The following CDC16 variants were observed in gnomAD, a reference collection of about 807,000 sequenced individuals.
CDC16 encodes cell division cycle 16.
A neutral mutation model predicts 87.0 loss-of-function variants in CDC16; 34 were observed. That is an observed-to-expected ratio of 0.39 (90% CI 0.30 to 0.52). The LOEUF is 0.52. Ranked by LOEUF, CDC16 falls within the 20% of genes least tolerant of loss-of-function variation. The probability of loss-of-function intolerance (pLI) is 0.74; values close to 1 mark genes in which losing one functional copy is unlikely to be tolerated. For missense variants in CDC16, 653 were observed against 751.9 expected (o/e 0.87, Z 1.54); for synonymous variants, 263 against 260.6 (o/e 1.01, Z -0.09).
intron 5 of CDC16, among the ~76,000 whole-genome samples, chr13:114,240,119 C>T (rs1250201599): frequency 1.3e-5 from 2 of 152,136 alleles, no homozygotes; most frequent in East Asian, 3.8e-4. Context: ...GCTTTGCAAA[C>T]CTCACCATGG....
intron 4 of CDC16, 101 bp from the exon 5 acceptor site, chr13:114,239,249 T>TTAAATAATGGGCATAGTA: frequency 2.7e-6 from 4 of 1,494,508 alleles, no homozygotes; most frequent in Non-Finnish European, 3.6e-6. Context: ...CATTTCACAT[T>TTAAATAATGGGCATAGTA]TAAATAATGG....
rs144748774 is a variant in CDC16 at position 114,236,863 on chromosome 13, C to T, written c.168C>T (p.Ala56=). ...CLYLTAQYHR[A]AHALRSRKLD... The stretch of plus-strand genomic sequence containing the variant: ...ACCTGACAGCACAATATCACAGAGC[C>T]GCCCATGCACTTCGGTCACGAAAAC... The change falls in exon 3 of 18, where the codon GCC becomes GCT. Residue 56 remains alanine, a synonymous_variant. Transcript: ENST00000356221. 1.1e-4 allele frequency: 179 copies of T among 1,600,064 alleles called. No individual in the cohort carries two copies. The African/African-American group carries it at 1.8e-3, about 16-fold the overall frequency.
In CDC16 at chr13:114,246,942, T is replaced by G; in HGVS notation, c.909T>G (p.Phe303Leu). The stretch of plus-strand genomic sequence containing the variant: ...TTTGAACTTTTTAGGTGTCTTGGTT[T>G]GCAGTGGGATGTTACTATCTCATGG... Reference protein sequence around the residue: ...DLYPSNPVSWFAVGCYYLMVG... With the variant: ...DLYPSNPVSWLAVGCYYLMVG... Residue 303 changes from phenylalanine (F) to leucine (L), a missense_variant, in exon 11 of 18, where the codon TTT becomes TTG. Phe to Leu is a conservative substitution (Grantham distance 22). Coordinates refer to ENST00000356221, the MANE Select transcript of CDC16 (RefSeq NM_001078645.3). 6.2e-7 allele frequency: 1 copy of G among 1,611,292 alleles called. No individual in the cohort carries two copies. The highest frequency in any genetic ancestry group is 8.5e-7 in the Non-Finnish European group (1 of 1,177,510).
chr13:114,247,286 C>T, intron 11 of CDC16: 1 of 366,682 alleles, frequency 2.7e-6, no homozygotes, highest in Admixed American at 4.5e-5. Context: ...GCTCAGCCTC[C>T]CGAGTAGCTG....
At chr13:114,270,024 C>G (rs1367702881) in intron 17 of CDC16, among the ~76,000 whole-genome samples, 1 of 152,106 alleles carries the variant, frequency 6.6e-6, no homozygotes, top group African/African-American at 2.4e-5. Context: ...AGATTTTTGA[C>G]AAAAATGTGA....
At chr13:114,256,995 A>C in intron 12 of CDC16, 83 bp from the exon 13 acceptor site, 1 of 821,416 alleles carries the variant, frequency 1.2e-6, no homozygotes, top group Non-Finnish European at 1.9e-6. Context: ...ATTATTTTGC[A>C]GATAGGATTT....
chr13:114,242,821 C>T (rs1284391341), intron 6 of CDC16: 2 of 164,696 alleles, frequency 1.2e-5, no homozygotes, highest in African/African-American at 2.4e-5. Flanking sequence ...CCGCCCCCTG[C>T]CCCGGGAACA....
chr13:114,236,111 C>T (rs556378035), intron 1 of CDC16, among the ~76,000 whole-genome samples: 28 of 152,266 alleles, frequency 1.8e-4, no homozygotes, highest in Middle Eastern at 3.4e-3. Flanking sequence ...TTGTCGGCTC[C>T]TTCATTTTTG....
intron 16 of CDC16, 113 bp from the exon 17 acceptor site, chr13:114,265,037 T>C (rs1423381015): frequency 2.6e-6 from 2 of 770,718 alleles, no homozygotes; most frequent in Non-Finnish European, 4.6e-6. Flanking sequence ...CATGTAGCTA[T>C]GTCTGGCCAC....
Position 114,234,984 on chromosome 13 carries a change from G to GGCGGCA in CDC16, c.-96_-95insAGCGGC. 1.0e-6 allele frequency: 1 copy of GGCGGCA among 967,988 alleles called. No individual in the cohort carries two copies. The highest frequency in any genetic ancestry group is 1.3e-6 in the Non-Finnish European group (1 of 745,902). 60.0% of individuals were successfully genotyped at this position (967,988 alleles called of 1,614,324 possible). On this transcript the variant is annotated 5_prime_UTR_variant, in exon 1 of 18. Transcript: ENST00000356221. ...GGCCTTCGAGTCCTGGGGCGGCGGC[G>GGCGGCA]GCGGCTGCAGGCACGGGCACGGGCA...
chr13:114,250,491 CAAA>C (rs59513608), intron 11 of CDC16, 55 bp from the exon 12 acceptor site: 4,384 of 1,230,378 alleles, frequency 3.6e-3, no homozygotes, highest in South Asian at 5.8e-3. Context: ...GACTTTGTCT[CAAA>C]AAAAAAAAAA....
chr13:114,267,944 T>G (rs2083345349), intron 17 of CDC16, among the ~76,000 whole-genome samples: 1 of 152,016 alleles, frequency 6.6e-6, no homozygotes. Context: ...AAGGAGCAAT[T>G]AGGTAGGAAA....
intron 12 of CDC16, among the ~76,000 whole-genome samples, chr13:114,255,591 TAAAA>T (rs111984756): frequency 1.4e-5 from 2 of 144,128 alleles, no homozygotes; most frequent in South Asian, 2.2e-4. Context: ...ATTCCAAAAT[TAAAA>T]AAAAAAAACC....
intron 17 of CDC16, among the ~76,000 whole-genome samples, chr13:114,266,048 C>T (rs1299975800): frequency 6.6e-6 from 1 of 152,198 alleles, no homozygotes; most frequent in African/African-American, 2.4e-5. Flanking sequence ...AACTCCTGAC[C>T]TCAGGTGATC....
intron 11 of CDC16, 132 bp downstream of exon 11, chr13:114,247,136 TTTTCTTTCTCTC>T: frequency 1.6e-6 from 1 of 629,482 alleles, no homozygotes; most frequent in Non-Finnish European, 2.8e-6. Context: ...TCTTCCTTTC[TTTTCTTTCTCTC>T]TTTCTTTCTT....
chr13:114,266,732 C>T (rs1004130715), intron 17 of CDC16, among the ~76,000 whole-genome samples: 3 of 151,182 alleles, frequency 2.0e-5, no homozygotes, highest in East Asian at 1.9e-4. Flanking sequence ...CTCGCTCTGT[C>T]GCCCAGGGTG....
intron 16 of CDC16, among the ~76,000 whole-genome samples, chr13:114,263,577 T>C (rs532196545): frequency 7.2e-5 from 11 of 152,352 alleles, no homozygotes; most frequent in African/African-American, 2.4e-4. Flanking sequence ...TGTATTACTC[T>C]AGTACATACA....
At position 114,261,879 on chromosome 13, in the gene CDC16, T is replaced by C; in HGVS notation, c.1315-8T>C. The C allele has an allele frequency of 6.3e-7, 1 of 1,592,922 alleles. No homozygotes were observed. The highest frequency in any genetic ancestry group is 8.6e-7 in the Non-Finnish European group (1 of 1,169,218). Reference sequence around the variant, plus strand: ...ATAACTCGTGGGCTTGATGTTGCTATGTTTTAGGTAACAGTTGACAAATGG... The same window carrying C: ...ATAACTCGTGGGCTTGATGTTGCTACGTTTTAGGTAACAGTTGACAAATGG... On this transcript the variant is annotated splice_region_variant and splice_polypyrimidine_tract_variant and intron_variant, in intron 14 of 17. Transcript: ENST00000356221.
At chr13:114,239,609 T>C in intron 5 of CDC16, 119 bp downstream of exon 5, 1 of 1,264,894 alleles carries the variant, frequency 7.9e-7, no homozygotes, top group Non-Finnish European at 1.0e-6. Context: ...GTTGCCAATT[T>C]ATTTAATTTG....
Sources: allele counts gnomAD v4.1 joint callset (sites outside exome capture counted in the v4.1 genomes callset), GRCh38; gene constraint gnomAD v4.1.1; transcripts MANE v1.5; gene names NCBI Gene and HGNC (gene_info 2026-07-23, HGNC 2026-07-21).